Variants in JAM3 observed in about 807,000 individuals in gnomAD.
JAM3 encodes the protein junctional adhesion molecule 3.
Under a neutral mutation model 39.4 loss-of-function variants are expected in JAM3, and 31 were observed. The ratio of observed to expected loss-of-function variants is 0.79; its 90% CI spans 0.59 to 1.06. The LOEUF is 1.06. Among genes scored for constraint, JAM3 ranks in the 50% least tolerant of loss-of-function variants. The pLI is 0.00. For missense variants in JAM3, 455 were observed against 391.4 expected (o/e 1.16, Z -1.37); for synonymous variants, 182 against 148.7 (o/e 1.22, Z -1.63).
At chr11:134,146,687 T>C (rs948907010) in intron 6 of JAM3, among the ~76,000 whole-genome samples, 2 of 151,838 alleles carry the variant, frequency 1.3e-5, no homozygotes, top group Non-Finnish European at 1.5e-5. Context: ...CCCACCTCAG[T>C]CTCCTGAGTA....
chr11:134,114,091 T>C (rs1170947664), intron 1 of JAM3, among the ~76,000 whole-genome samples: 1 of 152,224 alleles, frequency 6.6e-6, no homozygotes, highest in East Asian at 1.9e-4. Flanking sequence ...TTCTGGATAT[T>C]AGCCCTTTGT....
At position 134,149,304 on chromosome 11, in the gene JAM3, G is replaced by A. The variant is rs577519238; in HGVS notation, c.*123G>A. 36 of 1,226,210 alleles carry A rather than the reference G, an allele frequency of 2.9e-5. No homozygotes were observed. In the African/African-American group the frequency reaches 3.0e-4, roughly 10 times the overall value. 76.0% of individuals were successfully genotyped at this position (1,226,210 alleles called of 1,614,324 possible). On this transcript the variant is annotated 3_prime_UTR_variant, in exon 9 of 9. Transcript: ENST00000299106. ...CTAGACACTCATTCAGAAGCTTTTC[G>A]TTTTGGCCAAAGTTGACCACTACTC...
chr11:134,107,723 C>A (rs1193172562), intron 1 of JAM3, among the ~76,000 whole-genome samples: 1 of 151,876 alleles, frequency 6.6e-6, no homozygotes, highest in Non-Finnish European at 1.5e-5. Flanking sequence ...ATGAGCCAGG[C>A]ATGGTGGTAG....
chr11:134,107,221 C>CA (rs1275489379), intron 1 of JAM3, among the ~76,000 whole-genome samples: 1 of 152,092 alleles, frequency 6.6e-6, no homozygotes, highest in African/African-American at 2.4e-5. Flanking sequence ...TCTCAGCAAA[C>CA]TATCGCAAGG....
intron 1 of JAM3, among the ~76,000 whole-genome samples, chr11:134,075,441 T>G (rs2120569463): frequency 6.6e-6 from 1 of 152,316 alleles, no homozygotes; most frequent in Admixed American, 6.5e-5. Context: ...TAATAACACC[T>G]GCCAATTACT....
rs78437595 is a variant in JAM3, at chr11:134,145,796, A to G, written c.613-150A>G. ...GTTGGGGAGCTGTCAGGCAGGTATC[A>G]GGGAGTGGGTCAGGGAGGAACATGC... On this transcript the variant is annotated intron_variant, in intron 5 of 8. Transcript: ENST00000299106. 19 of 698,630 alleles carry G rather than the reference A, an allele frequency of 2.7e-5. No individual in the cohort carries two copies. In the East Asian group the frequency reaches 4.5e-4, roughly 17 times the overall value. The allele number at this position is 698,630 out of a possible 1,614,324, so 43.3% of individuals were successfully genotyped here.
At chr11:134,105,381 A>G (rs1485479173) in intron 1 of JAM3, among the ~76,000 whole-genome samples, 3 of 152,194 alleles carry the variant, frequency 2.0e-5, no homozygotes, top group East Asian at 3.9e-4. Context: ...TTTATGACAA[A>G]CCCACAGCCA....
intron 1 of JAM3, among the ~76,000 whole-genome samples, chr11:134,110,424 G>A (rs1942286866): frequency 6.6e-6 from 1 of 152,232 alleles, no homozygotes; most frequent in East Asian, 1.9e-4. Context: ...ATAAACATCT[G>A]GTGGTATTTC....
intron 1 of JAM3, among the ~76,000 whole-genome samples, chr11:134,121,970 T>C (rs1287444303): frequency 6.6e-6 from 1 of 152,230 alleles, no homozygotes; most frequent in Admixed American, 6.5e-5. Flanking sequence ...GTTTTGATCT[T>C]GAGTCTATAT....
At chr11:134,117,173 C>T (rs1003999067) in intron 1 of JAM3, among the ~76,000 whole-genome samples, 1 of 151,992 alleles carries the variant, frequency 6.6e-6, no homozygotes, top group African/African-American at 2.4e-5. Flanking sequence ...ACCAGCCTGG[C>T]TGAGATGGTG....
rs1350428973 is a variant in JAM3, at chr11:134,150,264, T to C, written c.*1083T>C. Reference sequence around the variant, plus strand: ...AGCAATGTTGAAATCAGTTTGCATCTCTTCAAAAGAAACCTCTCAGGTTAG... The same window carrying C: ...AGCAATGTTGAAATCAGTTTGCATCCCTTCAAAAGAAACCTCTCAGGTTAG... On this transcript the variant is annotated 3_prime_UTR_variant, in exon 9 of 9. Coordinates refer to ENST00000299106, the MANE Select transcript of JAM3 (RefSeq NM_032801.5). 1 of 152,376 alleles carries C rather than the reference T, an allele frequency of 6.6e-6. No homozygotes were observed. The highest frequency in any genetic ancestry group is 1.5e-5 in the Non-Finnish European group (1 of 68,140). The allele number at this position is 152,376 out of a possible 1,614,324, so 9.4% of individuals were successfully genotyped here.
intron 1 of JAM3, among the ~76,000 whole-genome samples, chr11:134,128,978 G>T (rs1481593672): frequency 1.3e-5 from 2 of 152,100 alleles, no homozygotes; most frequent in East Asian, 3.9e-4. Context: ...ACATAGTACT[G>T]CAGGCTGGGA....
intron 1 of JAM3, among the ~76,000 whole-genome samples, chr11:134,102,229 C>T (rs151052894): frequency 0.01 from 1,563 of 152,232 alleles, 22 homozygotes; most frequent in African/African-American, 0.033. Context: ...CTGCAGCCTC[C>T]GCTGCTGATA....
chr11:134,143,116 G>A (rs1238155206), intron 3 of JAM3, among the ~76,000 whole-genome samples: 1 of 152,174 alleles, frequency 6.6e-6, no homozygotes, highest in Non-Finnish European at 1.5e-5. Flanking sequence ...ATGACCAAGA[G>A]TACAACTGCT....
At chr11:134,085,547 T>G (rs991843133) in intron 1 of JAM3, among the ~76,000 whole-genome samples, 4 of 152,260 alleles carry the variant, frequency 2.6e-5, no homozygotes, top group Non-Finnish European at 4.4e-5. Context: ...AAACATTCTT[T>G]GTACCTAATT....
intron 1 of JAM3, among the ~76,000 whole-genome samples, chr11:134,114,700 C>G (rs139345496): frequency 1.3e-5 from 2 of 152,140 alleles, no homozygotes; most frequent in East Asian, 1.9e-4. Context: ...TCACTGTGGT[C>G]AGAAAACAAA....
intron 1 of JAM3, among the ~76,000 whole-genome samples, chr11:134,073,194 T>G (rs1033631875): frequency 4.6e-5 from 7 of 152,172 alleles, no homozygotes; most frequent in African/African-American, 1.7e-4. Context: ...TTCCTGAGAG[T>G]TAGCCCTTGT....
chr11:134,145,893 A>G (rs951153870), intron 5 of JAM3, 53 bp from the exon 6 acceptor site: 15 of 1,253,790 alleles, frequency 1.2e-5, no homozygotes, highest in Non-Finnish European at 1.5e-5. Context: ...CTGTGCTCTC[A>G]GAAATCGGCC....
At chr11:134,098,962 G>A (rs1486830056) in intron 1 of JAM3, among the ~76,000 whole-genome samples, 1 of 152,156 alleles carries the variant, frequency 6.6e-6, no homozygotes, top group African/African-American at 2.4e-5. Context: ...CACCTTGGGA[G>A]GCCAAGGTGG....
Sources: allele counts gnomAD v4.1 joint callset (sites outside exome capture counted in the v4.1 genomes callset), GRCh38; gene constraint gnomAD v4.1.1; transcripts MANE v1.5; gene names NCBI Gene and HGNC (gene_info 2026-07-23, HGNC 2026-07-21).